Variants in STAB1 observed in about 807,000 individuals in gnomAD.
STAB1 encodes stabilin-1.
STAB1 carries 250 observed loss-of-function variants against 332.4 expected under a neutral mutation model. The observed-to-expected ratio is 0.75, with a 90% CI of 0.68 to 0.84. The LOEUF is 0.84. Ranked by LOEUF, STAB1 falls within the 40% of genes least tolerant of loss-of-function variation. The pLI, the probability that STAB1 is intolerant of heterozygous loss-of-function variation, is 0.00. For missense variants in STAB1, 3,249 were observed against 3,489.7 expected (o/e 0.93, Z 1.74); for synonymous variants, 1,475 against 1,390.4 (o/e 1.06, Z -1.35).
At position 52,502,170 on chromosome 3, in the gene STAB1, C is replaced by T. The variant is rs142260689; in HGVS notation, c.429C>T (p.Arg143=). 530 of 1,613,408 alleles carry T rather than the reference C, an allele frequency of 3.3e-4. 1 individual carries two copies. The African/African-American group carries it at 5.6e-3, about 17-fold the overall frequency. ...NGTCVCQENF[R]GSACQECQDP... is the part of the protein sequence containing the mutation. ...GCATCCACCACCAGGAAAACTTCCG[C>T]GGCTCAGCCTGCCAGGAGTGCCAAG... The change falls in exon 5 of 69, where the codon CGC becomes CGT. Residue 143 remains arginine (R), a synonymous_variant. Coordinates refer to ENST00000321725, the MANE Select transcript of STAB1 (RefSeq NM_015136.3).
At position 52,523,899 on chromosome 3, in the gene STAB1, C is replaced by T; in HGVS notation, c.7424C>T (p.Pro2475Leu). 1 of 1,606,554 alleles carries T rather than the reference C, an allele frequency of 6.2e-7. No individual in the cohort carries two copies. Among genetic ancestry groups the T allele is most frequent in the Non-Finnish European group, 8.5e-7 (1 of 1,178,294 alleles). Residue 2475 changes from proline to leucine, a missense_variant, in exon 67 of 69, where the codon CCT becomes CTT. Transcript: ENST00000321725. ...PQAVLAPEAP[P>L]VAAGVGAVLA... ...GCAGTGCTGGCGCCTGAAGCCCCAC[C>T]TGTGGCGGCAGGCGTGGGGGCTGTG...
rs1010875011 is a variant in STAB1, at chr3:52,503,183, C to A, written c.694+74C>A. The A allele has an allele frequency of 5.1e-4, 764 of 1,509,378 alleles. 7 individuals carry two copies. Among genetic ancestry groups the A allele is most frequent in the Admixed American group, 2.0e-4 (10 of 51,020 alleles). 93.5% of individuals were successfully genotyped at this position (1,509,378 alleles called of 1,614,324 possible). On this transcript the variant is annotated intron_variant, in intron 7 of 68. Coordinates refer to ENST00000321725, the MANE Select transcript of STAB1 (RefSeq NM_015136.3). ...GCTGGGAGAGCATCCTTTAACCCAG[C>A]AAGTGCAATGTAATTCACAAGGAGG...
Position 52,507,541 on chromosome 3 carries a change from C to T in STAB1, c.1990-72C>T, listed in dbSNP as rs1708966319. The T allele has an allele frequency of 6.1e-6, 9 of 1,478,678 alleles. No homozygotes were observed. The South Asian group carries it at 1.1e-4, about 18-fold the overall frequency. The allele number at this position is 1,478,678 out of a possible 1,614,324, so 91.6% of individuals were successfully genotyped here. A position where few individuals can be genotyped will look rare whatever the true frequency, so the allele number is the denominator to read the frequency against. On this transcript the variant is annotated intron_variant, in intron 18 of 68. Coordinates refer to ENST00000321725, the MANE Select transcript of STAB1 (RefSeq NM_015136.3). ...CATCCCTTAATCCCCACTCAATGTTCCCTTCTCTGGGTTTGCCGAGTAAAT... is the reference window on the plus strand; with the variant it reads ...CATCCCTTAATCCCCACTCAATGTTTCCTTCTCTGGGTTTGCCGAGTAAAT...
At position 52,522,419 on chromosome 3, in the gene STAB1, G is replaced by A; in HGVS notation, c.6555G>A (p.Leu2185=). Residue 2185 remains leucine, a synonymous_variant, in exon 60 of 69, where the codon TTG becomes TTA. Transcript: ENST00000321725. ...EESEPPVDRC[L]GQPPPCHSDA... The stretch of plus-strand genomic sequence containing the variant: ...CGGAACCACCTGTGGACCGCTGCTT[G>A]GGCCAGCCACCGCCCTGCCACTCAG... 1 of 1,612,980 alleles carries A rather than the reference G, an allele frequency of 6.2e-7. No homozygotes were observed. The highest frequency in any genetic ancestry group is 8.5e-7 in the Non-Finnish European group (1 of 1,180,022).
rs2078864946 is a variant in STAB1 at position 52,516,377 on chromosome 3, T to A, written c.4166T>A (p.Leu1389Gln). ...GCAGTGTGTGACTGTGCCCATGGGCTGTGCCAGGAGGGGCTGCAAGGGGAC... is the reference window on the plus strand; with the variant it reads ...GCAGTGTGTGACTGTGCCCATGGGCAGTGCCAGGAGGGGCTGCAAGGGGAC... ...CTGVCDCAHG[L>Q]CQEGLQGDGS... The change falls in exon 39 of 69, where the codon CTG (leucine) becomes CAG (glutamine). Residue 1389 changes from leucine to glutamine, a missense_variant. Transcript: ENST00000321725. 1 of 1,609,178 alleles carries A rather than the reference T, an allele frequency of 6.2e-7. No homozygotes were observed. The highest frequency in any genetic ancestry group is 8.5e-7 in the Non-Finnish European group (1 of 1,176,858).
chr3:52,510,746 G>A (rs1709240356), intron 25 of STAB1, among the ~76,000 whole-genome samples: 1 of 152,206 alleles, frequency 6.6e-6, no homozygotes, highest in Non-Finnish European at 1.5e-5. Context: ...CTAGATGTAG[G>A]GAATGTGATA....
Position 52,515,519 on chromosome 3 carries a change from GC to G in STAB1, c.3948+18del, listed in dbSNP as rs935232080. 6.2e-7 allele frequency: 1 copy of G among 1,612,882 alleles called. No homozygotes were observed. ...CAAGAAGATCCAGGTTTGCCCTGAA[GC>G]CCCCACCCCAAGCCTGTCCAGAGAG... On this transcript the variant is annotated intron_variant, in intron 37 of 68. Transcript: ENST00000321725.
In STAB1 at chr3:52,518,730, T is replaced by G; in HGVS notation, c.4895T>G (p.Leu1632Arg). The G allele has an allele frequency of 1.2e-6, 2 of 1,612,470 alleles. No individual in the cohort carries two copies. The highest frequency in any genetic ancestry group is 1.7e-6 in the Non-Finnish European group (2 of 1,179,736). Residue 1632 changes from leucine to arginine, a missense_variant, in exon 48 of 69, where the codon CTG becomes CGG. By Grantham distance (102) the Leu-to-Arg change is moderately radical. Coordinates refer to ENST00000321725, the MANE Select transcript of STAB1 (RefSeq NM_015136.3). Reference sequence around the variant, plus strand: ...CTCGCGACTCTGCTCCAGGATGAGCTGGCCCGGATTCGTGCGCATCGCCAG... The same window carrying G: ...CTCGCGACTCTGCTCCAGGATGAGCGGGCCCGGATTCGTGCGCATCGCCAG... ...DLMSNLSQDE[L>R]ARIRAHRQLV... is the part of the protein sequence containing the mutation.
At chr3:52,501,415 C>T in intron 2 of STAB1, 113 bp downstream of exon 2, 2 of 1,496,654 alleles carry the variant, frequency 1.3e-6, no homozygotes, top group Non-Finnish European at 1.8e-6. Context: ...TATCCATGCC[C>T]CTGTGGCCCC....
In STAB1 at chr3:52,513,891, G is replaced by GC. The variant is rs563085224; in HGVS notation, c.3364dup (p.Arg1122ProfsTer37). On this transcript the variant is annotated frameshift_variant, in exon 32 of 69. Coordinates refer to ENST00000321725, the MANE Select transcript of STAB1 (RefSeq NM_015136.3). LOFTEE classifies it high-confidence loss of function. ...CCTGTGCTCTGTACCAGGTCTTACT[G>GC]CCCCCCCGAGGGGATGTGCCCGGTG... 1.2e-4 allele frequency: 197 copies of GC among 1,604,698 alleles called. No individual in the cohort carries two copies. The highest frequency in any genetic ancestry group is 1.5e-4 in the Non-Finnish European group (172 of 1,173,560).
chr3:52,508,778 C>T (rs556422604), intron 21 of STAB1, among the ~76,000 whole-genome samples: 1 of 152,180 alleles, frequency 6.6e-6, no homozygotes, highest in South Asian at 2.1e-4. Context: ...GCCAAGATTG[C>T]ACCACTGCAC....
In STAB1 at chr3:52,524,464, G is replaced by T. The variant is rs181171122; in HGVS notation, c.*108G>T. 1.2e-6 allele frequency: 2 copies of T among 1,612,706 alleles called. No individual in the cohort carries two copies. The highest frequency in any genetic ancestry group is 3.3e-5 in the Admixed American group (2 of 60,030). ...TGAGGGCCTGTCCCAGACAATAAAG[G>T]TGCCCTCAGCGGATGTGGGCCATGT... On this transcript the variant is annotated 3_prime_UTR_variant, in exon 69 of 69. Coordinates refer to ENST00000321725, the MANE Select transcript of STAB1 (RefSeq NM_015136.3).
chr3:52,502,529 C>T (rs1708528240), intron 5 of STAB1, 103 bp from the exon 6 acceptor site: 2 of 1,060,910 alleles, frequency 1.9e-6, no homozygotes, highest in East Asian at 5.0e-5. Context: ...AAGGTTGTAC[C>T]TGCCCGAGCT....
chr3:52,519,806 C>A, intron 50 of STAB1, 138 bp from the exon 51 acceptor site: 1 of 1,238,886 alleles, frequency 8.1e-7, no homozygotes, highest in Non-Finnish European at 1.1e-6. Flanking sequence ...TGTGTGCACA[C>A]ACATGCCTGC....
In STAB1 at chr3:52,512,232, AAGGGGC is replaced by A. The variant is rs1218649749; in HGVS notation, c.2884-102_2884-97del. ...AACACAGACTGGGTGGCTGCAGAGCAAGGGGCAGGGGCTGGGGCTGGGTGGCTGGAC... is the reference window on the plus strand; with the variant it reads ...AACACAGACTGGGTGGCTGCAGAGCAAGGGGCTGGGGCTGGGTGGCTGGAC... On this transcript the variant is annotated intron_variant, in intron 26 of 68. Transcript: ENST00000321725. The A allele has an allele frequency of 4.8e-6, 5 of 1,037,146 alleles. No homozygotes were observed. In the African/African-American group the frequency reaches 6.3e-5, roughly 13 times the overall value. 64.2% of individuals were successfully genotyped at this position (1,037,146 alleles called of 1,614,324 possible). A position where few individuals can be genotyped will look rare whatever the true frequency, so the allele number is the denominator to read the frequency against.
intron 1 of STAB1, among the ~76,000 whole-genome samples, chr3:52,499,482 C>T (rs937153887): frequency 6.6e-6 from 1 of 152,272 alleles, no homozygotes; most frequent in Non-Finnish European, 1.5e-5. Flanking sequence ...TCTCAAATAT[C>T]TCCCAATCCA....
At chr3:52,501,042 A>G in intron 1 of STAB1, 124 bp from the exon 2 acceptor site, 3 of 1,377,776 alleles carry the variant, frequency 2.2e-6, no homozygotes, top group Non-Finnish European at 3.0e-6. Context: ...CCCTCTGCTT[A>G]CTCTGACCCC....
chr3:52,511,751 G>C lies in STAB1; in HGVS notation c.2883+6G>C. The stretch of plus-strand genomic sequence containing the variant: ...ATGGCGGCTGCCACGGCCTGGTAAG[G>C]GGGTGCAAGGCTCAGAGCCCTGGGG... On this transcript the variant is annotated splice_donor_region_variant and intron_variant, in intron 26 of 68. Transcript: ENST00000321725. 3 of 1,575,016 alleles carry C rather than the reference G, an allele frequency of 1.9e-6. 1 individual carries two copies. The highest frequency in any genetic ancestry group is 2.3e-5 in the South Asian group (2 of 86,686).
In STAB1 at chr3:52,514,722, C is replaced by G. The variant is rs2078795918; in HGVS notation, c.3700C>G (p.Leu1234Val). Residue 1234 changes from leucine (L) to valine (V), a missense_variant, in exon 35 of 69, where the codon CTG becomes GTG. Leu to Val is a conservative substitution (Grantham distance 32, BLOSUM62 1). Transcript: ENST00000321725. ...SGQPEVNHVP[L>V]EGPMLEAPGR... ...CCAGCCTGAGGTGAACCATGTGCCA[C>G]TGGAAGGCCCCATGCTGGAGGCCCC... 1 of 1,613,014 alleles carries G rather than the reference C, an allele frequency of 6.2e-7. No homozygotes were observed. Among genetic ancestry groups the G allele is most frequent in the Non-Finnish European group, 8.5e-7 (1 of 1,180,002 alleles).
Sources: gnomAD v4.1 joint callset for allele counts (sites outside exome capture counted in the v4.1 genomes callset) on GRCh38, gnomAD v4.1.1 for gene constraint, MANE v1.5 for transcripts, NCBI Gene and HGNC (gene_info 2026-07-23, HGNC 2026-07-21) for gene names.